CSMD1: variants seen among roughly 807,000 people sequenced by gnomAD.
CSMD1 encodes the protein CUB and Sushi multiple domains 1.
CSMD1 carries 213 observed loss-of-function variants against 417.5 expected under a neutral mutation model. The observed-to-expected ratio is 0.51, with a 90% CI of 0.46 to 0.57. The LOEUF (loss-of-function observed/expected upper bound fraction) is 0.57, where lower values mean the gene tolerates loss of function less well. Among genes scored for constraint, CSMD1 ranks in the 20% least tolerant of loss-of-function variants. The pLI, the probability that CSMD1 is intolerant of heterozygous loss-of-function variation, is 0.00. For synonymous variants in CSMD1, 2,862 were observed against 1,736.8 expected (o/e 1.65, Z -16.11); for missense variants, 6,923 against 4,529.7 (o/e 1.53, Z -15.17).
intron 2 of CSMD1, among the ~76,000 whole-genome samples, chr8:4,619,339 A>G (rs954877147): frequency 6.6e-6 from 1 of 152,218 alleles, no homozygotes; most frequent in African/African-American, 2.4e-5. Context: ...TTAATTAACA[A>G]AGGGAATGTC....
chr8:3,976,147 A>G (rs1813421566), intron 5 of CSMD1, among the ~76,000 whole-genome samples: 1 of 152,120 alleles, frequency 6.6e-6, no homozygotes. Flanking sequence ...TTCTACACCA[A>G]GAATGCATAA....
intron 1 of CSMD1, among the ~76,000 whole-genome samples, chr8:4,760,700 C>G (rs995902211): frequency 6.6e-6 from 1 of 152,040 alleles, no homozygotes; most frequent in African/African-American, 2.4e-5. Context: ...TTCAAATTTA[C>G]TCTAATAAAA....
intron 23 of CSMD1, 135 bp from the exon 24 acceptor site, chr8:3,308,638 G>A (rs1045326122): frequency 1.5e-6 from 1 of 664,336 alleles, no homozygotes; most frequent in East Asian, 2.8e-5. Context: ...ATTTACAAAG[G>A]GGAAAAGAAA....
At chr8:3,155,359 A>ATTTTTTTTTTTTT (rs556304192) in intron 39 of CSMD1, among the ~76,000 whole-genome samples, 1,084 of 43,296 alleles carry the variant, frequency 0.025, 354 homozygotes, top group Non-Finnish European at 0.038. Context: ...CAAGGCTGGG[A>ATTTTTTTTTTTTT]TTTTTTTTTT....
chr8:4,477,494 TGCA>T, intron 2 of CSMD1, among the ~76,000 whole-genome samples: 1 of 152,218 alleles, frequency 6.6e-6, no homozygotes, highest in East Asian at 1.9e-4. Context: ...ATAATTAAAA[TGCA>T]GCATTACGTG....
At chr8:3,341,597 T>G (rs1212476864) in intron 23 of CSMD1, among the ~76,000 whole-genome samples, 1 of 152,094 alleles carries the variant, frequency 6.6e-6, no homozygotes, top group Non-Finnish European at 1.5e-5. Flanking sequence ...GCAGCAGTGT[T>G]GAGAGTGAGG....
intron 37 of CSMD1, among the ~76,000 whole-genome samples, chr8:3,179,388 C>T (rs891649307): frequency 1.3e-5 from 2 of 152,090 alleles, no homozygotes; most frequent in Non-Finnish European, 2.9e-5. Context: ...AAAAATGTGG[C>T]ATTATGTTTA....
At chr8:3,704,345 A>G (rs1250370685) in intron 7 of CSMD1, among the ~76,000 whole-genome samples, 1 of 152,130 alleles carries the variant, frequency 6.6e-6, no homozygotes, top group African/African-American at 2.4e-5. Flanking sequence ...TCCCTTTTTC[A>G]GGCATATACC....
chr8:3,454,899 CAG>C (rs1816005444), intron 12 of CSMD1, among the ~76,000 whole-genome samples: 1 of 152,202 alleles, frequency 6.6e-6, no homozygotes, highest in South Asian at 2.1e-4. Context: ...TAACATCCTG[CAG>C]AGTGTTTTCC....
rs75447457 is a variant in CSMD1, at chr8:4,949,072, T to G, written c.85+45260A>C. ...TAACAAATGCCTTTTTGGCTTCTGT[T>G]GGGATAACTTTTTTTGTAACTTTAA... is the stretch of plus-strand genomic sequence containing the variant. On this transcript the variant is annotated intron_variant, in intron 1 of 69. Coordinates refer to ENST00000635120, the MANE Select transcript of CSMD1 (RefSeq NM_033225.6). Among the ~76,000 whole-genome samples the G allele has an allele frequency of 1.5e-3, 224 of 152,224 alleles. 1 individual carries two copies. The highest frequency in any genetic ancestry group is 5.2e-3 in the African/African-American group (215 of 41,552).
At chr8:4,201,261 G>A (rs1799627326) in intron 3 of CSMD1, among the ~76,000 whole-genome samples, 3 of 152,116 alleles carry the variant, frequency 2.0e-5, no homozygotes, top group Admixed American at 2.0e-4. Context: ...ATTCAGGGCC[G>A]GGCGCAGTGG....
chr8:4,184,780 C>T (rs1181776828), intron 3 of CSMD1, among the ~76,000 whole-genome samples: 1 of 6,516 alleles, frequency 1.5e-4, no homozygotes, highest in Non-Finnish European at 3.4e-3. Context: ...TAATCTGTAC[C>T]ACAACCTGTG....
At chr8:3,957,354 G>A (rs964028471) in intron 5 of CSMD1, among the ~76,000 whole-genome samples, 2 of 152,052 alleles carry the variant, frequency 1.3e-5, no homozygotes, top group African/African-American at 4.8e-5. Context: ...TGTTCTACGT[G>A]CTAGGCACCA....
chr8:3,580,061 A>G (rs1206166305), intron 9 of CSMD1, among the ~76,000 whole-genome samples: 1 of 152,112 alleles, frequency 6.6e-6, no homozygotes, highest in Admixed American at 6.6e-5. Flanking sequence ...CCAAGATAGC[A>G]CCACTGTACT....
intron 8 of CSMD1, 45 bp downstream of exon 8, chr8:3,616,665 T>C (rs753760281): frequency 2.5e-6 from 3 of 1,223,772 alleles, no homozygotes; most frequent in East Asian, 2.3e-5. Context: ...ATAATATATG[T>C]CTTAAAAATA....
chr8:3,223,653 A>C (rs1585704555), intron 28 of CSMD1, 76 bp downstream of exon 28: 6 of 1,434,232 alleles, frequency 4.2e-6, no homozygotes, highest in African/African-American at 3.2e-5. Context: ...AGAGACTATG[A>C]GGTCATAAAA....
intron 1 of CSMD1, among the ~76,000 whole-genome samples, chr8:4,864,255 A>G (rs1416771529): frequency 6.6e-6 from 1 of 151,946 alleles, no homozygotes; most frequent in Non-Finnish European, 1.5e-5. Context: ...TAGCATTTTG[A>G]GAAATACATA....
chr8:3,735,818 G>C (rs983740102), intron 6 of CSMD1, among the ~76,000 whole-genome samples: 2 of 152,148 alleles, frequency 1.3e-5, no homozygotes, highest in Non-Finnish European at 1.5e-5. Context: ...CTTTCTATCA[G>C]TATTCATTTT....
intron 52 of CSMD1, among the ~76,000 whole-genome samples, chr8:3,006,949 T>C (rs1807964099): frequency 7.1e-6 from 1 of 141,724 alleles, no homozygotes; most frequent in African/African-American, 3.1e-5. Context: ...AAAGAGCTTC[T>C]GCACAGCAAA....
Sources: gnomAD v4.1 joint callset for allele counts (sites outside exome capture counted in the v4.1 genomes callset) on GRCh38, gnomAD v4.1.1 for gene constraint, MANE v1.5 for transcripts, NCBI Gene and HGNC (gene_info 2026-07-23, HGNC 2026-07-21) for gene names.